The following CFDP1 variants were observed in gnomAD, a reference collection of about 807,000 sequenced individuals.
The protein encoded by CFDP1 is heterochromatin-stabilizing protein CFDP1.
In CFDP1, 31 loss-of-function variants were observed where a neutral mutation model predicts 40.1. The ratio of observed to expected loss-of-function variants is 0.77; its 90% CI spans 0.58 to 1.04. The LOEUF is 1.04. CFDP1 is among the 50% of genes least tolerant of loss of function. The probability of loss-of-function intolerance (pLI) is 0.00; values close to 1 mark genes in which losing one functional copy is unlikely to be tolerated. For synonymous variants in CFDP1, 167 were observed against 120.0 expected (o/e 1.39, Z -2.56); for missense variants, 423 against 343.4 (o/e 1.23, Z -1.83).
intron 1 of CFDP1, among the ~76,000 whole-genome samples, chr16:75,423,577 C>T (rs1007457973): frequency 2.6e-5 from 4 of 151,860 alleles, no homozygotes; most frequent in Admixed American, 6.6e-5. Context: ...AGCAGTGGTG[C>T]GATCTCCGCT....
intron 5 of CFDP1, among the ~76,000 whole-genome samples, chr16:75,336,844 T>C (rs1375907131): frequency 1.3e-5 from 2 of 152,260 alleles, no homozygotes; most frequent in Non-Finnish European, 2.9e-5. Context: ...GTCATTTAAA[T>C]TTGTCTCTTT....
At chr16:75,339,842 A>T (rs1028815384) in intron 5 of CFDP1, among the ~76,000 whole-genome samples, 11 of 152,174 alleles carry the variant, frequency 7.2e-5, no homozygotes, top group Admixed American at 1.3e-4. Context: ...GCTGTTCTAG[A>T]TATGAACCAC....
chr16:75,344,305 T>C (rs2078547025), intron 5 of CFDP1, among the ~76,000 whole-genome samples: 1 of 152,200 alleles, frequency 6.6e-6, no homozygotes, highest in South Asian at 2.1e-4. Context: ...ATGTACGAAA[T>C]GCCACTGAAT....
rs192503083 is a variant in CFDP1 at position 75,380,082 on chromosome 16, G to C, written c.650+15008C>G. 640 of 151,640 alleles carry C rather than the reference G, an allele frequency of 4.2e-3. 3 individuals carry two copies. The highest frequency in any genetic ancestry group is 0.01 in the Middle Eastern group (3 of 290). 9.4% of individuals were successfully genotyped at this position (151,640 alleles called of 1,614,324 possible). ...GAACTCAGGAGGTGGAGGTTGCACTGAGCTGAGATTGTGCCACTGCACTCC... is the reference window on the plus strand; with the variant it reads ...GAACTCAGGAGGTGGAGGTTGCACTCAGCTGAGATTGTGCCACTGCACTCC... On this transcript the variant is annotated intron_variant, in intron 5 of 6. Transcript: ENST00000283882.
In CFDP1 at chr16:75,342,916, C is replaced by T. The variant is rs371887802; in HGVS notation, c.651-37734G>A. ...TGTAATGCACAGGACAAAGAACTATCCAGCCCAAATGTCAGTGGTGCTAAG... is the reference window on the plus strand; with the variant it reads ...TGTAATGCACAGGACAAAGAACTATTCAGCCCAAATGTCAGTGGTGCTAAG... On this transcript the variant is annotated intron_variant, in intron 5 of 6. Coordinates refer to ENST00000283882, the MANE Select transcript of CFDP1 (RefSeq NM_006324.3). Among the ~76,000 whole-genome samples, 40 of 152,256 alleles carry T rather than the reference C, an allele frequency of 2.6e-4. No individual in the cohort carries two copies. In the South Asian group the frequency reaches 4.3e-3, roughly 17 times the overall value.
chr16:75,356,178 T>A (rs1597351204), intron 5 of CFDP1, among the ~76,000 whole-genome samples: 1 of 152,366 alleles, frequency 6.6e-6, no homozygotes, highest in South Asian at 2.1e-4. Context: ...GATAAATCAC[T>A]ATCTACGGCA....
chr16:75,395,146 T>C lies in CFDP1; in HGVS notation c.594A>G (p.Lys198=), dbSNP rs1245499861. Residue 198 remains lysine (K), a synonymous_variant, in exon 5 of 7, where the codon AAA becomes AAG. Coordinates refer to ENST00000283882, the MANE Select transcript of CFDP1 (RefSeq NM_006324.3). ...AAGGAACATTAGCCTGTGGTTTTTC[T>C]TTCTCATTCTGCTTGAAGAAGGATT... ...EAKSFFKQNE[K]EKPQANVPSA... The C allele has an allele frequency of 6.2e-7, 1 of 1,613,848 alleles. No homozygotes were observed. The highest frequency in any genetic ancestry group is 8.5e-7 in the Non-Finnish European group (1 of 1,179,920).
At chr16:75,400,142 C>T (rs2079038180) in intron 4 of CFDP1, among the ~76,000 whole-genome samples, 1 of 149,742 alleles carries the variant, frequency 6.7e-6, no homozygotes, top group African/African-American at 2.5e-5. Context: ...ATCAGCCAGG[C>T]ATCATGGCGT....
intron 5 of CFDP1, among the ~76,000 whole-genome samples, chr16:75,314,633 A>C (rs1424610616): frequency 6.6e-6 from 1 of 152,228 alleles, no homozygotes; most frequent in Non-Finnish European, 1.5e-5. Context: ...AATTATACCT[A>C]AATAAAGCTG....
chr16:75,298,981 G>A (rs1013376891), intron 6 of CFDP1, among the ~76,000 whole-genome samples: 2 of 152,200 alleles, frequency 1.3e-5, no homozygotes, highest in African/African-American at 2.4e-5. Context: ...GGACTAGCCA[G>A]TGTTTCTCTT....
At chr16:75,387,265 G>C (rs1297647661) in intron 5 of CFDP1, among the ~76,000 whole-genome samples, 1 of 151,612 alleles carries the variant, frequency 6.6e-6, no homozygotes, top group Non-Finnish European at 1.5e-5. Context: ...CTCAGCCTCC[G>C]CAGTACCTGG....
At chr16:75,426,014 C>A (rs1166281252) in intron 1 of CFDP1, among the ~76,000 whole-genome samples, 2 of 101,786 alleles carry the variant, frequency 2.0e-5, no homozygotes, top group South Asian at 3.7e-4. Flanking sequence ...CAAGCCTGGG[C>A]AACAGAGCAA....
chr16:75,331,109 G>A (rs867367957), intron 5 of CFDP1, among the ~76,000 whole-genome samples: 26 of 152,284 alleles, frequency 1.7e-4, no homozygotes, highest in Middle Eastern at 3.4e-3. Flanking sequence ...CTGTTCCAGT[G>A]GGGGCCAAAT....
intron 5 of CFDP1, among the ~76,000 whole-genome samples, chr16:75,309,080 T>C (rs1489879196): frequency 6.6e-6 from 1 of 152,288 alleles, no homozygotes; most frequent in African/African-American, 2.4e-5. Flanking sequence ...GACACACTGA[T>C]AGCAGCAGCC....
rs138986200 is a variant in CFDP1, at chr16:75,312,216, C to T, written c.651-7034G>A. The stretch of plus-strand genomic sequence containing the variant: ...GAAATGGACTGGAAGCCACTGATGG[C>T]ATATTAGGGAGCTAGTTTAACTCCC... On this transcript the variant is annotated intron_variant, in intron 5 of 6. Coordinates refer to ENST00000283882, the MANE Select transcript of CFDP1 (RefSeq NM_006324.3). 1.4e-3 allele frequency among the ~76,000 whole-genome samples: 218 copies of T among 152,266 alleles called. 2 individuals carry two copies. The highest frequency in any genetic ancestry group is 5.0e-3 in the African/African-American group (207 of 41,548).
chr16:75,319,734 T>TCTGGTAATTCATACAATGAAATACTTTG (rs1955631687), intron 5 of CFDP1, among the ~76,000 whole-genome samples: 2 of 152,236 alleles, frequency 1.3e-5, no homozygotes, highest in African/African-American at 4.8e-5. Flanking sequence ...GGATATGGCA[T>TCTGGTAATTCATACAATGAAATACTTTG]CATCAGCGTT....
chr16:75,424,409 T>C (rs538666324), intron 1 of CFDP1, among the ~76,000 whole-genome samples: 7 of 152,330 alleles, frequency 4.6e-5, no homozygotes, highest in South Asian at 2.1e-4. Flanking sequence ...GAAAAACCTA[T>C]AGCTAACACC....
At chr16:75,412,834 T>A in intron 2 of CFDP1, 80 bp from the exon 3 acceptor site, 1 of 1,132,386 alleles carries the variant, frequency 8.8e-7, no homozygotes, top group Non-Finnish European at 1.3e-6. Context: ...CCAAAGGTAA[T>A]CTTATAAACC....
At chr16:75,413,552 C>CAAAA (rs9331624) in intron 2 of CFDP1, among the ~76,000 whole-genome samples, 2 of 90,452 alleles carry the variant, frequency 2.2e-5, no homozygotes, top group African/African-American at 4.3e-5. Context: ...GACTCTGTCT[C>CAAAA]AAAAAAAAAA....
Sources: gnomAD v4.1 joint callset for allele counts (sites outside exome capture counted in the v4.1 genomes callset) on GRCh38, gnomAD v4.1.1 for gene constraint, MANE v1.5 for transcripts, NCBI Gene and HGNC (gene_info 2026-07-23, HGNC 2026-07-21) for gene names.